Variants in CCDC146 observed in about 807,000 individuals in gnomAD.
The protein encoded by CCDC146 is coiled-coil domain containing 146, also known as coiled-coil domain-containing protein 146.
Under a neutral mutation model 119.3 loss-of-function variants are expected in CCDC146, and 92 were observed. The observed-to-expected ratio is 0.77, with a 90% CI of 0.65 to 0.92. CCDC146 has a LOEUF of 0.92. Ranked by LOEUF, CCDC146 falls within the 40% of genes least tolerant of loss-of-function variation. The pLI, the probability that CCDC146 is intolerant of heterozygous loss-of-function variation, is 0.00. For synonymous variants in CCDC146, 372 were observed against 371.8 expected (o/e 1.00, Z -0.01); for missense variants, 1,000 against 1,103.0 (o/e 0.91, Z 1.32).
chr7:77,273,873 T>C, intron 10 of CCDC146, 84 bp downstream of exon 10: 1 of 790,766 alleles, frequency 1.3e-6, no homozygotes, highest in Non-Finnish European at 2.1e-6. Context: ...CAAAACCTTA[T>C]CAATAAGAGA....
intron 4 of CCDC146, among the ~76,000 whole-genome samples, chr7:77,242,632 C>T (rs543907935): frequency 6.6e-5 from 10 of 152,274 alleles, no homozygotes; most frequent in Admixed American, 1.3e-4. Flanking sequence ...GATTGCAATT[C>T]AAGTTTTCTG....
intron 2 of CCDC146, among the ~76,000 whole-genome samples, chr7:77,185,706 G>C (rs77997468): frequency 4.6e-5 from 7 of 152,104 alleles, no homozygotes; most frequent in African/African-American, 1.7e-4. Flanking sequence ...ATGCACAAGC[G>C]TCAAGACCAT....
chr7:77,156,226 C>T (rs1364398721), intron 1 of CCDC146, among the ~76,000 whole-genome samples: 1 of 152,180 alleles, frequency 6.6e-6, no homozygotes, highest in East Asian at 1.9e-4. Flanking sequence ...GCCAGATATG[C>T]ACTTGAAGCT....
intron 4 of CCDC146, among the ~76,000 whole-genome samples, chr7:77,245,713 AC>A (rs1475758194): frequency 1.3e-5 from 2 of 152,166 alleles, no homozygotes; most frequent in Admixed American, 6.5e-5. Context: ...CAAAGTTGGA[AC>A]CAAGAAACAA....
Position 77,260,003 on chromosome 7 carries a change from C to G in CCDC146, c.759-6C>G. The G allele has an allele frequency of 8.0e-7, 1 of 1,255,118 alleles. No individual in the cohort carries two copies. Among genetic ancestry groups the G allele is most frequent in the Non-Finnish European group, 1.1e-6 (1 of 882,766 alleles). The allele number at this position is 1,255,118 out of a possible 1,614,324, so 77.7% of individuals were successfully genotyped here. A position where few individuals can be genotyped will look rare whatever the true frequency, so the allele number is the denominator to read the frequency against. On this transcript the variant is annotated splice_polypyrimidine_tract_variant and splice_region_variant and intron_variant, in intron 7 of 18. Coordinates refer to ENST00000285871, the MANE Select transcript of CCDC146 (RefSeq NM_020879.3). Reference sequence around the variant, plus strand: ...GTGTGTGTGTGTGTGTGTGTATCCCCTACAGAGAAATGGAAAAGAAAAAAA... The same window carrying G: ...GTGTGTGTGTGTGTGTGTGTATCCCGTACAGAGAAATGGAAAAGAAAAAAA...
chr7:77,201,305 G>T (rs1268505727), intron 2 of CCDC146, among the ~76,000 whole-genome samples: 1 of 152,048 alleles, frequency 6.6e-6, no homozygotes, highest in Non-Finnish European at 1.5e-5. Context: ...ACATTGGGAG[G>T]CCGAGGCATG....
intron 4 of CCDC146, among the ~76,000 whole-genome samples, chr7:77,253,023 G>A (rs1793106576): frequency 6.6e-6 from 1 of 152,210 alleles, no homozygotes; most frequent in Non-Finnish European, 1.5e-5. Context: ...CAATGCCAAT[G>A]TGTCTGTCAC....
At chr7:77,221,724 A>G (rs1340941974) in intron 2 of CCDC146, among the ~76,000 whole-genome samples, 1 of 152,172 alleles carries the variant, frequency 6.6e-6, no homozygotes, top group Non-Finnish European at 1.5e-5. Flanking sequence ...ATTTCAACAC[A>G]TAAAAATAAG....
At chr7:77,249,407 G>T (rs1554357425) in intron 4 of CCDC146, among the ~76,000 whole-genome samples, 1 of 147,934 alleles carries the variant, frequency 6.8e-6, no homozygotes, top group Non-Finnish European at 1.5e-5. Flanking sequence ...AGATTCTCTT[G>T]AACCCAGGAG....
chr7:77,175,647 G>A (rs1479235599), intron 2 of CCDC146, among the ~76,000 whole-genome samples: 1 of 151,230 alleles, frequency 6.6e-6, no homozygotes, highest in Non-Finnish European at 1.5e-5. Context: ...GATTTGATGA[G>A]TATTAAGATG....
intron 2 of CCDC146, among the ~76,000 whole-genome samples, chr7:77,232,985 G>C (rs2150477774): frequency 6.6e-6 from 1 of 152,180 alleles, no homozygotes; most frequent in South Asian, 2.1e-4. Context: ...TATTGAATAA[G>C]TGTTTCTCAA....
chr7:77,199,914 G>T, intron 2 of CCDC146: 1 of 1,237,424 alleles, frequency 8.1e-7, no homozygotes, highest in Non-Finnish European at 1.1e-6. Flanking sequence ...TGCATCACAA[G>T]TTTTAGAAAC....
At chr7:77,264,332 A>T (rs1793359423) in intron 9 of CCDC146, among the ~76,000 whole-genome samples, 1 of 152,010 alleles carries the variant, frequency 6.6e-6, no homozygotes, top group African/African-American at 2.4e-5. Context: ...ATCTCAGCTC[A>T]CTGCAATCTC....
chr7:77,267,928 A>C (rs1793438625), intron 9 of CCDC146, among the ~76,000 whole-genome samples: 2 of 152,234 alleles, frequency 1.3e-5, no homozygotes, highest in Admixed American at 1.3e-4. Flanking sequence ...GCCAAAGACT[A>C]ACAGGAATAC....
intron 13 of CCDC146, among the ~76,000 whole-genome samples, chr7:77,279,967 A>G (rs1793732257): frequency 6.6e-6 from 1 of 152,216 alleles, no homozygotes; most frequent in African/African-American, 2.4e-5. Context: ...AAAGAAAAAT[A>G]TGATTTCCTA....
intron 2 of CCDC146, among the ~76,000 whole-genome samples, chr7:77,189,888 A>G (rs1303966199): frequency 2.6e-5 from 4 of 152,190 alleles, no homozygotes; most frequent in Admixed American, 1.3e-4. Context: ...TGACTGCTCT[A>G]TATGAAACAG....
At chr7:77,212,603 A>G (rs1011890331) in intron 2 of CCDC146, among the ~76,000 whole-genome samples, 1 of 144,070 alleles carries the variant, frequency 6.9e-6, no homozygotes, top group Non-Finnish European at 1.5e-5. Context: ...CCTGGGTGAC[A>G]GAGCAAGACT....
intron 2 of CCDC146, among the ~76,000 whole-genome samples, chr7:77,182,093 T>G (rs1168988327): frequency 6.6e-6 from 1 of 152,168 alleles, no homozygotes; most frequent in East Asian, 1.9e-4. Context: ...CAGATACATC[T>G]GAGTAGCAAA....
intron 1 of CCDC146, among the ~76,000 whole-genome samples, chr7:77,129,914 C>T (rs1790757232): frequency 1.3e-5 from 2 of 152,096 alleles, no homozygotes; most frequent in South Asian, 4.1e-4. Flanking sequence ...ATTTCATAGG[C>T]ATCTCAGTTA....
Sources: gnomAD v4.1 joint callset for allele counts (sites outside exome capture counted in the v4.1 genomes callset) on GRCh38, gnomAD v4.1.1 for gene constraint, MANE v1.5 for transcripts, NCBI Gene and HGNC (gene_info 2026-07-23, HGNC 2026-07-21) for gene names.